DCTN2: variants seen among roughly 807,000 people sequenced by gnomAD.
DCTN2 encodes dynactin subunit 2, also known as 50 kDa dynein-associated polypeptide.
DCTN2 carries 18 observed loss-of-function variants against 55.4 expected under a neutral mutation model. The observed-to-expected ratio is 0.32, with a 90% CI of 0.22 to 0.48. The LOEUF is 0.48. DCTN2 is among the 20% of genes least tolerant of loss of function. DCTN2 has a pLI of 0.99. For missense variants in DCTN2, 390 were observed against 491.0 expected, an observed-to-expected ratio of 0.79 and a Z score of 1.94; for synonymous variants, 168 against 185.2, an observed-to-expected ratio of 0.91 and a Z score of 0.76.
Position 57,533,304 on chromosome 12 carries a change from C to CT in DCTN2, c.670-2dup. ...TCAGGCGCTTTTCAAGTTCTGCGAC[C>CT]TAGTGGGAGGAAGGAGGTGAGATTT... is the stretch of plus-strand genomic sequence containing the variant. On this transcript the variant is annotated splice_acceptor_variant, in intron 7 of 13. Coordinates refer to ENST00000548249, the MANE Select transcript of DCTN2 (RefSeq NM_001261413.2). LOFTEE classifies it high-confidence loss of function. 3 of 1,613,890 alleles carry CT rather than the reference C, an allele frequency of 1.9e-6. No homozygotes were observed. The highest frequency in any genetic ancestry group is 2.5e-6 in the Non-Finnish European group (3 of 1,179,860).
At chr12:57,532,528 AACCTGAG>A in intron 11 of DCTN2, 37 bp downstream of exon 11, 1 of 1,599,436 alleles carries the variant, frequency 6.3e-7, no homozygotes. Context: ...CCACTCGGAG[AACCTGAG>A]GGAGTGGAAA....
intron 2 of DCTN2, among the ~76,000 whole-genome samples, chr12:57,539,264 C>T (rs575392964): frequency 1.4e-4 from 22 of 152,324 alleles, no homozygotes; most frequent in Admixed American, 6.5e-4. Context: ...GGCATGTTTG[C>T]CTCCACCTTG....
chr12:57,544,378 T>C (rs1344487712), intron 2 of DCTN2, among the ~76,000 whole-genome samples: 2 of 132,748 alleles, frequency 1.5e-5, no homozygotes, highest in Admixed American at 8.3e-5. Context: ...AGTTGTTATA[T>C]TGTATTTTTA....
Position 57,534,415 on chromosome 12 carries a change from G to A in DCTN2, c.401C>T (p.Thr134Ile), listed in dbSNP as rs1253392038. The stretch of plus-strand genomic sequence containing the variant: ...CAGCTGTTTAGCCAGCAACACAGGG[G>A]TCAGCTTCTCCTCTGTGGCTGACTC... ...VKESATEEKL[T>I]PVLLAKQLAA... The change falls in exon 6 of 14, where the codon ACC (threonine) becomes ATC (isoleucine). Residue 134 changes from threonine (T) to isoleucine (I), a missense_variant. Around this residue, in one of 2 missense-constraint regions of DCTN2, gnomAD observed 117 missense variants for 187.8 expected, o/e 0.62. Coordinates refer to ENST00000548249, the MANE Select transcript of DCTN2 (RefSeq NM_001261413.2). 1 of 1,611,316 alleles carries A rather than the reference G, an allele frequency of 6.2e-7. No individual in the cohort carries two copies.
At chr12:57,542,704 A>G (rs1385217050) in intron 2 of DCTN2, among the ~76,000 whole-genome samples, 1 of 152,198 alleles carries the variant, frequency 6.6e-6, no homozygotes, top group East Asian at 1.9e-4. Flanking sequence ...CTGTAATTCC[A>G]GCTACTTGGG....
intron 1 of DCTN2, among the ~76,000 whole-genome samples, chr12:57,546,495 C>A (rs1206953015): frequency 1.3e-5 from 2 of 152,094 alleles, no homozygotes; most frequent in African/African-American, 2.4e-5. Context: ...CCAACCCTCA[C>A]CTTGAGAAGC....
At chr12:57,540,127 T>C (rs1170794870) in intron 2 of DCTN2, 1 of 985,186 alleles carries the variant, frequency 1.0e-6, no homozygotes, top group Non-Finnish European at 1.2e-6. Flanking sequence ...GGGATGTCTC[T>C]GCATAGAGTG....
chr12:57,536,756 G>A (rs918919154), intron 2 of DCTN2, among the ~76,000 whole-genome samples: 1 of 152,034 alleles, frequency 6.6e-6, no homozygotes, highest in African/African-American at 2.4e-5. Flanking sequence ...TCAGATTCCA[G>A]TGACAACACC....
At chr12:57,531,667 C>T (rs1879726306) in intron 13 of DCTN2, among the ~76,000 whole-genome samples, 1 of 152,182 alleles carries the variant, frequency 6.6e-6, no homozygotes, top group Non-Finnish European at 1.5e-5. Flanking sequence ...GCCCGGATTC[C>T]TTCCAGTGTA....
At chr12:57,546,719 G>C (rs774463439) in intron 1 of DCTN2, among the ~76,000 whole-genome samples, 1 of 152,154 alleles carries the variant, frequency 6.6e-6, no homozygotes, top group East Asian at 1.9e-4. Context: ...GAGAGATTTG[G>C]GGGGGACATG....
In DCTN2 at chr12:57,534,358, T is replaced by C. The variant is rs1396110239; in HGVS notation, c.458A>G (p.His153Arg). 1.2e-6 allele frequency: 2 copies of C among 1,612,774 alleles called. No individual in the cohort carries two copies. Among genetic ancestry groups the C allele is most frequent in the South Asian group, 2.2e-5 (2 of 90,856 alleles). ...AALKQQLVAS[H>R]LEKLLGPDAA... The stretch of plus-strand genomic sequence containing the variant: ...ATCTGGTCCCAGCAGCTTCTCCAGG[T>C]GGGAAGCAACCAGCTGCTGCTTCAG... The change falls in exon 6 of 14, where the codon CAC becomes CGC. Residue 153 changes from histidine (H) to arginine (R), a missense_variant. Physicochemically the swap from His to Arg is conservative, Grantham distance 29. Around this residue, in one of 2 missense-constraint regions of DCTN2, gnomAD observed 117 missense variants for 187.8 expected, o/e 0.62. Transcript: ENST00000548249.
Position 57,532,762 on chromosome 12 carries a change from C to T in DCTN2, c.823G>A (p.Val275Ile). The T allele has an allele frequency of 1.9e-6, 3 of 1,613,990 alleles. No homozygotes were observed. The highest frequency in any genetic ancestry group is 2.5e-6 in the Non-Finnish European group (3 of 1,179,888). The change falls in exon 10 of 14, where the codon GTT becomes ATT. Residue 275 changes from valine to isoleucine, a missense_variant. Transcript: ENST00000548249. ...QAKVSALDLA[V>I]LDQVEARLQS... ...AGCCGAGCCTCCACTTGATCCAAAA[C>T]TGCAAGGTCTAGGGCGCTCACCTTT...
Position 57,535,560 on chromosome 12 carries a change from A to T in DCTN2, c.203-15T>A, listed in dbSNP as rs550086944. 1 of 1,614,000 alleles carries T rather than the reference A, an allele frequency of 6.2e-7. No individual in the cohort carries two copies. The highest frequency in any genetic ancestry group is 1.3e-5 in the African/African-American group (1 of 75,050). On this transcript the variant is annotated splice_polypyrimidine_tract_variant and intron_variant, in intron 3 of 13. Coordinates refer to ENST00000548249, the MANE Select transcript of DCTN2 (RefSeq NM_001261413.2). ...ATCTGAGAAATCTGCCAAGAAAAGAAGATGGAACTGAGGGCCTGATCTAGG... is the reference window on the plus strand; with the variant it reads ...ATCTGAGAAATCTGCCAAGAAAAGATGATGGAACTGAGGGCCTGATCTAGG...
In DCTN2 at chr12:57,535,047, TG is replaced by T. The variant is rs1336278190; in HGVS notation, c.363+8del. 6.2e-7 allele frequency: 1 copy of T among 1,606,922 alleles called. No individual in the cohort carries two copies. Among genetic ancestry groups the T allele is most frequent in the Non-Finnish European group, 8.5e-7 (1 of 1,174,232 alleles). ...ACAGCAGAGAAGGGAGAAGAGAGTT[TG>T]TAGTTACCTTGATTTTTTCAACTTC... On this transcript the variant is annotated splice_region_variant and intron_variant, in intron 5 of 13. Coordinates refer to ENST00000548249, the MANE Select transcript of DCTN2 (RefSeq NM_001261413.2).
chr12:57,532,092 G>T lies in DCTN2; in HGVS notation c.1042C>A (p.Gln348Lys). The change falls in exon 13 of 14, where the codon CAG becomes AAG. Residue 348 changes from glutamine to lysine, a missense_variant. Gln to Lys is a moderately conservative substitution (Grantham distance 53, BLOSUM62 1). This residue lies in a region of DCTN2 where 273 missense variants were observed against 303.2 expected (regional missense o/e 0.90). Transcript: ENST00000548249. ...GTGGTATCCAAGTGTGTCAGGAGCTGACCAAACTGCATGGCTACAAAAGAA... is the reference window on the plus strand; with the variant it reads ...GTGGTATCCAAGTGTGTCAGGAGCTTACCAAACTGCATGGCTACAAAAGAA... ...QLHEQAMQFG[Q>K]LLTHLDTTQQ... is the part of the protein sequence containing the mutation. The T allele has an allele frequency of 6.4e-7, 1 of 1,561,382 alleles. No individual in the cohort carries two copies. Among genetic ancestry groups the T allele is most frequent in the South Asian group, 1.2e-5 (1 of 84,544 alleles).
Position 57,535,465 on chromosome 12 carries a change from A to T in DCTN2, c.264+19T>A. 1.2e-6 allele frequency: 2 copies of T among 1,613,318 alleles called. No individual in the cohort carries two copies. Among genetic ancestry groups the T allele is most frequent in the South Asian group, 2.2e-5 (2 of 91,060 alleles). ...GTCACTACACCATTCCCATCAACACACACACACACACAACAAACCATCTCA... is the reference window on the plus strand; with the variant it reads ...GTCACTACACCATTCCCATCAACACTCACACACACACAACAAACCATCTCA... On this transcript the variant is annotated intron_variant, in intron 4 of 13. Coordinates refer to ENST00000548249, the MANE Select transcript of DCTN2 (RefSeq NM_001261413.2).
Position 57,547,113 on chromosome 12 carries a change from C to T in DCTN2, c.-50G>A. 1 of 1,251,342 alleles carries T rather than the reference C, an allele frequency of 8.0e-7. No homozygotes were observed. 77.5% of individuals were successfully genotyped at this position (1,251,342 alleles called of 1,614,324 possible). A position where few individuals can be genotyped will look rare whatever the true frequency, so the allele number is the denominator to read the frequency against. ...ACCCGGGCCTCGGTGGAGCCGGGGC[C>T]GGTGTTCGGGTAGGGGAGAGGCTGG... On this transcript the variant is annotated 5_prime_UTR_variant, in exon 1 of 14. Transcript: ENST00000548249.
At chr12:57,545,456 T>C (rs1227768573) in intron 2 of DCTN2, among the ~76,000 whole-genome samples, 1 of 152,176 alleles carries the variant, frequency 6.6e-6, no homozygotes, top group Non-Finnish European at 1.5e-5. Flanking sequence ...ACAGTTAAAA[T>C]GTATCCGTAC....
intron 2 of DCTN2, among the ~76,000 whole-genome samples, chr12:57,536,682 A>T (rs1880259987): frequency 6.6e-6 from 1 of 152,160 alleles, no homozygotes; most frequent in Admixed American, 6.5e-5. Flanking sequence ...TAGGCGGTGA[A>T]AGAGACTTCA....
Sources: allele counts gnomAD v4.1 joint callset (sites outside exome capture counted in the v4.1 genomes callset), GRCh38; gene constraint gnomAD v4.1.1; regional missense constraint gnomAD v4.1.1; transcripts MANE v1.5; gene names NCBI Gene and HGNC (gene_info 2026-07-23, HGNC 2026-07-21).